The following DIAPH2 variants were observed in gnomAD, a reference collection of about 807,000 sequenced individuals.
DIAPH2 encodes protein diaphanous homolog 2.
A neutral mutation model predicts 92.7 loss-of-function variants in DIAPH2; 35 were observed. That is an observed-to-expected ratio of 0.38 (90% confidence interval 0.29 to 0.50). The LOEUF is 0.50. Among genes scored for constraint, DIAPH2 ranks in the 20% least tolerant of loss-of-function variants. DIAPH2 has a pLI of 0.94. For synonymous variants in DIAPH2, 301 were observed against 280.4 expected (o/e 1.07, Z -0.73); for missense variants, 701 against 819.5 (o/e 0.86, Z 1.77).
At chrX:97,294,455 T>A (rs773099521) in intron 23 of DIAPH2, among the ~76,000 whole-genome samples, 1 of 112,285 alleles carries the variant, frequency 8.9e-6, no homozygotes, top group South Asian at 3.7e-4. Context: ...ACATGCAGAT[T>A]ATTTCTATAG....
intron 14 of DIAPH2, among the ~76,000 whole-genome samples, chrX:96,946,192 C>T (rs1298755773): frequency 8.9e-6 from 1 of 111,857 alleles, no homozygotes; most frequent in African/African-American, 3.2e-5. Flanking sequence ...TAAATGCCAG[C>T]TTTGTGAATA....
chrX:97,570,212 T>C (rs1170027981), intron 26 of DIAPH2, among the ~76,000 whole-genome samples: 2 of 96,151 alleles, frequency 2.1e-5, no homozygotes, highest in Non-Finnish European at 4.1e-5. Context: ...TATGTATATA[T>C]ACACACACAC....
chrX:96,809,723 T>G (rs933292901), intron 4 of DIAPH2, among the ~76,000 whole-genome samples: 4 of 111,127 alleles, frequency 3.6e-5, no homozygotes, highest in African/African-American at 1.3e-4. Context: ...TGTGTCCAAG[T>G]GTTCTCATTG....
chrX:96,757,261 T>C (rs1428449085), intron 3 of DIAPH2, among the ~76,000 whole-genome samples: 1 of 111,816 alleles, frequency 8.9e-6, no homozygotes, highest in Non-Finnish European at 1.9e-5. Context: ...GTTTTGCTCA[T>C]TTGTTACTGG....
chrX:96,842,221 C>T (rs1400883285), intron 4 of DIAPH2, among the ~76,000 whole-genome samples: 1 of 111,546 alleles, frequency 9.0e-6, no homozygotes, highest in Non-Finnish European at 1.9e-5. Context: ...GTGTAATGTC[C>T]CTCCATAAAG....
intron 26 of DIAPH2, among the ~76,000 whole-genome samples, chrX:97,459,869 G>A (rs1275091703): frequency 9.0e-6 from 1 of 111,518 alleles, no homozygotes; most frequent in East Asian, 2.8e-4. Context: ...TCCTAGTTGT[G>A]TATCTTGGGC....
Position 96,871,409 on chromosome X carries a change from G to GCAGTGA in DIAPH2, c.448-10169_448-10164dup, listed in dbSNP as rs200766038. On this transcript the variant is annotated intron_variant, in intron 4 of 26. Transcript: ENST00000324765. ...GGTGTGAACCTGGTAGGCGGAGATT[G>GCAGTGA]CAGTGAGCCGAGATCGCGCCACCGT... is the stretch of plus-strand genomic sequence containing the variant. Among the ~76,000 whole-genome samples, 735 of 97,884 alleles carry GCAGTGA rather than the reference G, an allele frequency of 7.5e-3. 7 individuals are homozygous for GCAGTGA. The highest frequency in any genetic ancestry group is 0.028 in the African/African-American group (708 of 25,276). The allele number at this position is 97,884 out of a possible 115,157, so 85.0% of individuals were successfully genotyped here.
intron 26 of DIAPH2, among the ~76,000 whole-genome samples, chrX:97,443,719 G>A (rs931606015): frequency 9.0e-6 from 1 of 111,466 alleles, no homozygotes; most frequent in Admixed American, 9.5e-5. Context: ...GAAAAATGCC[G>A]ACTTTATATA....
chrX:96,973,654 C>T (rs2065941277), intron 17 of DIAPH2, among the ~76,000 whole-genome samples: 1 of 103,624 alleles, frequency 9.7e-6, no homozygotes, highest in Admixed American at 1.1e-4. Context: ...TATATGAATA[C>T]TATGCCATTT....
intron 22 of DIAPH2, among the ~76,000 whole-genome samples, chrX:97,149,545 C>T (rs1037017709): frequency 1.0e-4 from 11 of 108,962 alleles, no homozygotes; most frequent in African/African-American, 3.7e-4. Context: ...TCCTGGCTAA[C>T]ACGGTGAAAC....
chrX:96,958,455 T>C (rs2065826827), intron 16 of DIAPH2, among the ~76,000 whole-genome samples: 1 of 112,167 alleles, frequency 8.9e-6, no homozygotes, highest in Non-Finnish European at 1.9e-5. Context: ...TTTATTGATA[T>C]GTAATATTTG....
At chrX:97,425,273 T>C (rs751382696) in intron 25 of DIAPH2, among the ~76,000 whole-genome samples, 1 of 111,408 alleles carries the variant, frequency 9.0e-6, no homozygotes, top group African/African-American at 3.3e-5. Context: ...GGGGAGGGGA[T>C]TAGGAAGACA....
intron 17 of DIAPH2, among the ~76,000 whole-genome samples, chrX:97,062,919 A>G (rs1011602366): frequency 3.7e-5 from 4 of 107,345 alleles, no homozygotes; most frequent in Non-Finnish European, 7.7e-5. Flanking sequence ...CTGTAATCCC[A>G]GCTACTCGGG....
At chrX:97,193,632 C>T (rs886501830) in intron 22 of DIAPH2, among the ~76,000 whole-genome samples, 5 of 111,900 alleles carry the variant, frequency 4.5e-5, no homozygotes, top group Admixed American at 3.8e-4. Flanking sequence ...GCTGGAAAAG[C>T]GATTTCATTT....
At chrX:96,836,962 C>T (rs1218258224) in intron 4 of DIAPH2, among the ~76,000 whole-genome samples, 2 of 104,690 alleles carry the variant, frequency 1.9e-5, no homozygotes, top group Non-Finnish European at 3.9e-5. Context: ...CTCCTGACCT[C>T]GTGATCCGCC....
chrX:97,216,962 C>G lies in DIAPH2; in HGVS notation c.2720-30753C>G, dbSNP rs549494364. Among the ~76,000 whole-genome samples the G allele has an allele frequency of 2.0e-4, 22 of 111,583 alleles. No individual in the cohort carries two copies. The South Asian group carries it at 8.2e-3, about 42-fold the overall frequency. On this transcript the variant is annotated intron_variant, in intron 22 of 26. Coordinates refer to ENST00000324765, the MANE Select transcript of DIAPH2 (RefSeq NM_006729.5). ...ATGTAGGACAGAAACTTCTGCCATA[C>G]CTAACATAGTATTTCTGTCACATAG...
rs2065213533 is a variant in DIAPH2, at chrX:96,881,565, TG to T, written c.448-13del. The T allele has an allele frequency of 1.7e-6, 2 of 1,185,123 alleles. No homozygotes were observed. The highest frequency in any genetic ancestry group is 3.6e-5 in the African/African-American group (2 of 55,929). ...GAAACATTGTCTAAAATGGTCTCTT[TG>T]TTTATTTTATAGGGTGGGCTGAAAA... On this transcript the variant is annotated splice_polypyrimidine_tract_variant and intron_variant, in intron 4 of 26. Transcript: ENST00000324765.
At chrX:97,515,802 C>T (rs1233717970) in intron 26 of DIAPH2, among the ~76,000 whole-genome samples, 2 of 110,568 alleles carry the variant, frequency 1.8e-5, no homozygotes, top group Non-Finnish European at 3.8e-5. Context: ...TGAGAGTGAC[C>T]TTGCTTCTGC....
intron 1 of DIAPH2, among the ~76,000 whole-genome samples, chrX:96,731,424 C>A (rs189631380): frequency 9.0e-6 from 1 of 111,316 alleles, no homozygotes; most frequent in South Asian, 3.8e-4. Flanking sequence ...TCAAATAGTG[C>A]GAATACGTTT....
Sources: gnomAD v4.1 joint callset for allele counts (sites outside exome capture counted in the v4.1 genomes callset) on GRCh38, gnomAD v4.1.1 for gene constraint, MANE v1.5 for transcripts, NCBI Gene and HGNC (gene_info 2026-07-23, HGNC 2026-07-21) for gene names.